Variants in STPG2 observed in about 807,000 individuals in gnomAD.
STPG2 encodes the protein sperm-tail PG-rich repeat-containing protein 2.
Under a neutral mutation model 54.2 loss-of-function variants are expected in STPG2, and 56 were observed. The observed-to-expected ratio is 1.03, with a 90% CI of 0.83 to 1.29. The LOEUF is 1.29. STPG2 is among the 50% of genes most tolerant of loss of function. STPG2 has a pLI of 0.00. For missense variants in STPG2, 596 were observed against 544.9 expected (o/e 1.09, Z -0.93); for synonymous variants, 200 against 181.8 (o/e 1.10, Z -0.81).
chr4:97,913,252 G>A (rs984245992), intron 8 of STPG2, among the ~76,000 whole-genome samples: 1 of 152,106 alleles, frequency 6.6e-6, no homozygotes, highest in Non-Finnish European at 1.5e-5. Context: ...TTAACTTTAA[G>A]AACAAGCTCA....
intron 4 of STPG2, among the ~76,000 whole-genome samples, chr4:97,485,832 T>C (rs1730341192): frequency 6.6e-6 from 1 of 151,954 alleles, no homozygotes; most frequent in Admixed American, 6.6e-5. Context: ...ATGGTGCTGG[T>C]ATAAAAATGG....
At chr4:98,071,280 G>A (rs761750467) in intron 5 of STPG2, among the ~76,000 whole-genome samples, 4 of 152,092 alleles carry the variant, frequency 2.6e-5, no homozygotes, top group Non-Finnish European at 5.9e-5. Flanking sequence ...ACAACTAACT[G>A]ATCTTCAGCA....
chr4:97,504,163 T>A (rs1010315499), intron 4 of STPG2, among the ~76,000 whole-genome samples: 4 of 146,330 alleles, frequency 2.7e-5, no homozygotes, highest in African/African-American at 4.9e-5. Context: ...TAAATAAATA[T>A]TTATTTAAAT....
intron 10 of STPG2, among the ~76,000 whole-genome samples, chr4:97,635,520 G>T (rs1241167700): frequency 6.6e-6 from 1 of 152,120 alleles, no homozygotes; most frequent in Admixed American, 6.6e-5. Context: ...TGGACTAAAT[G>T]CTCCAATTAA....
At chr4:97,571,082 A>G (rs11946582) in intron 10 of STPG2, among the ~76,000 whole-genome samples, 2,609 of 152,046 alleles carry the variant, frequency 0.017, 67 homozygotes, top group African/African-American at 0.058. Context: ...CTAAAGTTGA[A>G]CTTCTTGGAT....
intron 8 of STPG2, among the ~76,000 whole-genome samples, chr4:97,943,524 G>A (rs1438950380): frequency 7.8e-6 from 1 of 128,250 alleles, no homozygotes; most frequent in Non-Finnish European, 1.7e-5. Flanking sequence ...TCACTCGGGA[G>A]TCTTAGATTT....
intron 4 of STPG2, among the ~76,000 whole-genome samples, chr4:97,498,617 GA>G (rs905595002): frequency 4.5e-4 from 65 of 145,656 alleles, no homozygotes; most frequent in Middle Eastern, 3.5e-3. Flanking sequence ...AAAGCAACCT[GA>G]AAAAAAAAAT....
chr4:97,646,178 T>C (rs1433082116), intron 10 of STPG2, among the ~76,000 whole-genome samples: 3 of 152,140 alleles, frequency 2.0e-5, no homozygotes, highest in Non-Finnish European at 2.9e-5. Context: ...GTGAGAGTCC[T>C]TGAAGTTCTA....
chr4:97,621,443 G>A (rs549007624), intron 10 of STPG2, among the ~76,000 whole-genome samples: 1 of 152,114 alleles, frequency 6.6e-6, no homozygotes, highest in East Asian at 1.9e-4. Flanking sequence ...AATGACAAAG[G>A]AGATGTTATC....
intron 8 of STPG2, among the ~76,000 whole-genome samples, chr4:97,923,294 C>T (rs1407673263): frequency 1.1e-5 from 1 of 94,528 alleles, no homozygotes; most frequent in Admixed American, 1.1e-4. Context: ...CGCAGCGCTT[C>T]CCCTCCCACC....
intron 10 of STPG2, among the ~76,000 whole-genome samples, chr4:97,686,677 T>C (rs1239445854): frequency 3.9e-5 from 6 of 152,112 alleles, no homozygotes; most frequent in Non-Finnish European, 7.4e-5. Flanking sequence ...AAATTATTTG[T>C]TCACAAATAA....
At chr4:97,917,251 G>A (rs939636465) in intron 8 of STPG2, 4 of 152,362 alleles carry the variant, frequency 2.6e-5, no homozygotes, top group Admixed American at 2.0e-4. Flanking sequence ...ACCTCGTGAG[G>A]CCTGACGGGG....
At chr4:97,970,063 C>T (rs960457206) in intron 7 of STPG2, among the ~76,000 whole-genome samples, 2 of 152,130 alleles carry the variant, frequency 1.3e-5, no homozygotes, top group Non-Finnish European at 1.5e-5. Flanking sequence ...TTCACAATTG[C>T]TTCAAAGAGA....
intron 9 of STPG2, among the ~76,000 whole-genome samples, chr4:97,789,064 G>GA (rs1288006864): frequency 1.3e-5 from 2 of 151,904 alleles, no homozygotes; most frequent in Non-Finnish European, 1.5e-5. Context: ...TGGTACATGG[G>GA]AAAATCACTG....
In STPG2 at chr4:97,622,713, C is replaced by T. The variant is rs114837718; in HGVS notation, c.1321-63596G>A. ...CCCAAAGGAATTTACAGACTCAATG[C>T]TATTCCTACCAAACTACCAATGACA... On this transcript the variant is annotated intron_variant, in intron 10 of 10. Transcript: ENST00000295268. Among the ~76,000 whole-genome samples the T allele has an allele frequency of 7.2e-3, 1,099 of 152,168 alleles. 15 individuals are homozygous for T. The highest frequency in any genetic ancestry group is 7.6e-3 in the Non-Finnish European group (515 of 67,984).
intron 8 of STPG2, among the ~76,000 whole-genome samples, chr4:97,851,822 A>C (rs974820417): frequency 6.6e-6 from 1 of 152,180 alleles, no homozygotes; most frequent in South Asian, 2.1e-4. Flanking sequence ...TTTTGACATT[A>C]GTTTTATAGA....
At chr4:97,895,560 C>T (rs910873518) in intron 8 of STPG2, among the ~76,000 whole-genome samples, 2 of 151,476 alleles carry the variant, frequency 1.3e-5, no homozygotes, top group Admixed American at 6.6e-5. Context: ...TCCAATTTTG[C>T]TAACAAATTG....
chr4:98,074,079 C>G (rs921593786), intron 5 of STPG2, among the ~76,000 whole-genome samples: 3 of 152,252 alleles, frequency 2.0e-5, no homozygotes, highest in Middle Eastern at 3.4e-3. Context: ...CCGCTGAAAA[C>G]AACTGACACA....
At chr4:97,894,235 C>CTCA (rs1730875609) in intron 8 of STPG2, among the ~76,000 whole-genome samples, 1 of 151,828 alleles carries the variant, frequency 6.6e-6, no homozygotes, top group Admixed American at 6.6e-5. Flanking sequence ...ATACAGGTGA[C>CTCA]TCATGAATAA....
Sources: gnomAD v4.1 joint callset for allele counts (sites outside exome capture counted in the v4.1 genomes callset) on GRCh38, gnomAD v4.1.1 for gene constraint, MANE v1.5 for transcripts, NCBI Gene and HGNC (gene_info 2026-07-23, HGNC 2026-07-21) for gene names.